The following CACNA1D variants were observed in gnomAD, a reference collection of about 807,000 sequenced individuals.
CACNA1D encodes the protein voltage-dependent L-type calcium channel subunit alpha-1D.
A neutral mutation model predicts 257.1 loss-of-function variants in CACNA1D; 55 were observed. The ratio of observed to expected loss-of-function variants is 0.21; its 90% CI spans 0.17 to 0.27. The LOEUF is 0.27. Among genes scored for constraint, CACNA1D ranks in the 10% least tolerant of loss-of-function variants. CACNA1D has a pLI of 1.00. For missense variants in CACNA1D, 1,876 were observed against 2,784.0 expected (o/e 0.67, Z 7.34); for synonymous variants, 980 against 1,014.9 (o/e 0.97, Z 0.65).
intron 2 of CACNA1D, among the ~76,000 whole-genome samples, chr3:53,498,502 G>A (rs1001854176): frequency 1.3e-5 from 2 of 152,138 alleles, no homozygotes; most frequent in African/African-American, 2.4e-5. Flanking sequence ...GTAAAGTAAA[G>A]CATTTCCTTT....
intron 29 of CACNA1D, among the ~76,000 whole-genome samples, chr3:53,757,305 A>T: frequency 6.6e-6 from 1 of 152,082 alleles, no homozygotes; most frequent in Non-Finnish European, 1.5e-5. Context: ...TACTGTCCTT[A>T]GAACTTTACA....
chr3:53,612,234 C>G (rs2093591061), intron 3 of CACNA1D, among the ~76,000 whole-genome samples: 2 of 152,004 alleles, frequency 1.3e-5, no homozygotes, highest in Admixed American at 6.6e-5. Context: ...TCCTATTTTC[C>G]TTTTTCATGA....
chr3:53,718,601 C>CCCCCCCCAGAA, intron 10 of CACNA1D: 1 of 1,103,204 alleles, frequency 9.1e-7, no homozygotes, highest in Non-Finnish European at 1.3e-6. Flanking sequence ...CCCCCCGGCC[C>CCCCCCCCAGAA]AGCATTTCAC....
At chr3:53,572,743 C>G (rs2092970687) in intron 3 of CACNA1D, among the ~76,000 whole-genome samples, 1 of 152,204 alleles carries the variant, frequency 6.6e-6, no homozygotes, top group African/African-American at 2.4e-5. Flanking sequence ...CTCTTTGTCT[C>G]TGCTACCACC....
At chr3:53,622,809 T>G (rs1272938459) in intron 3 of CACNA1D, among the ~76,000 whole-genome samples, 1 of 152,070 alleles carries the variant, frequency 6.6e-6, no homozygotes, top group Non-Finnish European at 1.5e-5. Flanking sequence ...TTATGATATA[T>G]TCATACAATG....
chr3:53,632,501 C>G (rs1374027815), intron 3 of CACNA1D, among the ~76,000 whole-genome samples: 2 of 152,236 alleles, frequency 1.3e-5, no homozygotes, highest in Non-Finnish European at 2.9e-5. Context: ...AGTAACACTT[C>G]TAATTTCCTT....
intron 40 of CACNA1D, among the ~76,000 whole-genome samples, chr3:53,796,743 A>G (rs923083333): frequency 6.6e-6 from 1 of 152,240 alleles, no homozygotes; most frequent in Admixed American, 6.5e-5. Context: ...GCAAAGCGCC[A>G]ACATTTCTTT....
chr3:53,526,144 C>T (rs770046822), intron 3 of CACNA1D, among the ~76,000 whole-genome samples: 30 of 152,284 alleles, frequency 2.0e-4, no homozygotes, highest in East Asian at 5.8e-4. Context: ...TTGGGTCACG[C>T]GCACATCCGG....
intron 34 of CACNA1D, 76 bp from the exon 35 acceptor site, chr3:53,775,810 T>G (rs1450029287): frequency 7.0e-6 from 10 of 1,431,294 alleles, no homozygotes; most frequent in Admixed American, 5.0e-5. Context: ...TAATTATGAG[T>G]TTTTCTCCCC....
At chr3:53,535,364 G>T (rs1465938172) in intron 3 of CACNA1D, among the ~76,000 whole-genome samples, 1 of 152,210 alleles carries the variant, frequency 6.6e-6, no homozygotes, top group Non-Finnish European at 1.5e-5. Flanking sequence ...GGAGTGGAGT[G>T]ACAGGAAGCA....
intron 3 of CACNA1D, among the ~76,000 whole-genome samples, chr3:53,550,071 T>C (rs1052449010): frequency 4.6e-5 from 7 of 152,178 alleles, no homozygotes; most frequent in Non-Finnish European, 4.4e-5. Context: ...GACCTGTCCC[T>C]GATTGCCCCT....
intron 3 of CACNA1D, among the ~76,000 whole-genome samples, chr3:53,529,330 T>C (rs2091871661): frequency 6.6e-6 from 1 of 152,232 alleles, no homozygotes; most frequent in African/African-American, 2.4e-5. Flanking sequence ...GTTAAACCAA[T>C]TTTGCATTCC....
chr3:53,562,055 G>T (rs1222731698), intron 3 of CACNA1D, among the ~76,000 whole-genome samples: 1 of 152,140 alleles, frequency 6.6e-6, no homozygotes, highest in Non-Finnish European at 1.5e-5. Context: ...CAAAGTAGTG[G>T]TCTCATTTTT....
rs1416745615 is a variant in CACNA1D, at chr3:53,810,301, G to A, written c.6192+3G>A. On this transcript the variant is annotated splice_donor_region_variant and intron_variant, in intron 47 of 47. Coordinates refer to ENST00000350061, the MANE Select transcript of CACNA1D (RefSeq NM_001128840.3). ...GTGCGGACAGCTTGGTGGAGGCAGT[G>A]AGTACGGTTCTTGGCCGTGGTGGGC... 8.1e-6 allele frequency: 13 copies of A among 1,613,366 alleles called. No homozygotes were observed. The highest frequency in any genetic ancestry group is 9.3e-6 in the Non-Finnish European group (11 of 1,179,976).
Position 53,637,831 on chromosome 3 carries a change from G to T in CACNA1D, c.484-12948G>T, listed in dbSNP as rs572413466. 2.6e-5 allele frequency among the ~76,000 whole-genome samples: 4 copies of T among 152,226 alleles called. No homozygotes were observed. In the South Asian group the frequency reaches 6.2e-4, roughly 24 times the overall value. On this transcript the variant is annotated intron_variant, in intron 3 of 47. Transcript: ENST00000350061. Reference sequence around the variant, plus strand: ...CAGGGCTGCAGTTGGGTCATGCCTGGTTTTTTGGCCTCCCAATGTCTCTTA... The same window carrying T: ...CAGGGCTGCAGTTGGGTCATGCCTGTTTTTTTGGCCTCCCAATGTCTCTTA...
intron 8 of CACNA1D, among the ~76,000 whole-genome samples, chr3:53,698,320 A>C (rs2094590805): frequency 6.6e-6 from 1 of 152,200 alleles, no homozygotes; most frequent in South Asian, 2.1e-4. Flanking sequence ...TAAATCCTGT[A>C]ATATGTCTAA....
Position 53,800,897 on chromosome 3 carries a change from A to C in CACNA1D, c.5041-161A>C, listed in dbSNP as rs899297343. On this transcript the variant is annotated intron_variant, in intron 41 of 47. Coordinates refer to ENST00000350061, the MANE Select transcript of CACNA1D (RefSeq NM_001128840.3). The surrounding 1 kb of genome is among the most constrained non-coding windows in gnomAD (Gnocchi z 4.3). ...ATCTCGGGGGGACCAACTGCCACAC[A>C]GTCACATTCACCCTGATCATTGAGA... 1.4e-5 allele frequency: 10 copies of C among 714,698 alleles called. No individual in the cohort carries two copies. The African/African-American group carries it at 1.6e-4, about 11-fold the overall frequency. The allele number at this position is 714,698 out of a possible 1,614,324, so 44.3% of individuals were successfully genotyped here.
chr3:53,561,895 T>G (rs2092747371), intron 3 of CACNA1D, among the ~76,000 whole-genome samples: 1 of 152,228 alleles, frequency 6.6e-6, no homozygotes, highest in African/African-American at 2.4e-5. Context: ...TTTTATCCCT[T>G]TTACATTGCA....
chr3:53,732,754 A>AG, intron 18 of CACNA1D, 61 bp from the exon 19 acceptor site: 1 of 1,489,284 alleles, frequency 6.7e-7, no homozygotes, highest in Non-Finnish European at 9.4e-7. Context: ...GAAATTAAGA[A>AG]TAATTCAAAC....
Sources: allele counts gnomAD v4.1 joint callset (sites outside exome capture counted in the v4.1 genomes callset), GRCh38; gene constraint gnomAD v4.1.1; non-coding constraint Gnocchi (gnomAD v3.1); transcripts MANE v1.5; gene names NCBI Gene and HGNC (gene_info 2026-07-23, HGNC 2026-07-21).